Variants in CELF1 observed in about 807,000 individuals in gnomAD.
The protein encoded by CELF1 is 50 kDa nuclear polyadenylated RNA-binding protein.
In CELF1, 10 loss-of-function variants were observed where a neutral mutation model predicts 61.8. The ratio of observed to expected loss-of-function variants is 0.16; its 90% CI spans 0.10 to 0.27. CELF1 has a LOEUF of 0.27. CELF1 is among the 10% of genes least tolerant of loss of function. The pLI is 1.00. For synonymous variants in CELF1, 236 were observed against 225.1 expected, an observed-to-expected ratio of 1.05 and a Z score of -0.43; for missense variants, 380 against 639.1, an observed-to-expected ratio of 0.59 and a Z score of 4.37.
At chr11:47,506,303 G>A (rs2094490017) in intron 1 of CELF1, among the ~76,000 whole-genome samples, 1 of 150,620 alleles carries the variant, frequency 6.6e-6, no homozygotes, top group African/African-American at 2.4e-5. Context: ...GCACAGGCCT[G>A]TTAATCCCAG....
intron 1 of CELF1, among the ~76,000 whole-genome samples, chr11:47,501,200 T>C (rs1449448778): frequency 1.3e-5 from 2 of 152,200 alleles, no homozygotes; most frequent in Non-Finnish European, 2.9e-5. Flanking sequence ...TTTACTACTA[T>C]AGAGGCAGAA....
intron 13 of CELF1, among the ~76,000 whole-genome samples, chr11:47,474,066 C>T (rs113434262): frequency 2.6e-5 from 4 of 152,230 alleles, no homozygotes; most frequent in African/African-American, 9.6e-5. Flanking sequence ...GCCACCATGC[C>T]TGGCGTATTT....
At chr11:47,498,985 T>C (rs2093561287) in intron 3 of CELF1, among the ~76,000 whole-genome samples, 2 of 152,188 alleles carry the variant, frequency 1.3e-5, no homozygotes, top group South Asian at 4.1e-4. Flanking sequence ...TAATACAGAA[T>C]GTTGTAGATG....
intron 1 of CELF1, among the ~76,000 whole-genome samples, chr11:47,518,657 T>G (rs917389474): frequency 6.6e-6 from 1 of 152,214 alleles, no homozygotes; most frequent in Non-Finnish European, 1.5e-5. Context: ...GCAAGCTTTA[T>G]CATTCCAACT....
intron 1 of CELF1, among the ~76,000 whole-genome samples, chr11:47,539,797 G>A (rs1475221135): frequency 6.6e-6 from 1 of 152,172 alleles, no homozygotes; most frequent in African/African-American, 2.4e-5. Context: ...TCTCTCCAGA[G>A]CTGCATTTCT....
chr11:47,474,926 A>G (rs761639036), intron 13 of CELF1, among the ~76,000 whole-genome samples: 1 of 152,218 alleles, frequency 6.6e-6, no homozygotes, highest in Non-Finnish European at 1.5e-5. Context: ...ACAAACATCA[A>G]TCAGAAAGTG....
chr11:47,548,664 G>A lies in CELF1; in HGVS notation c.-154+4328C>T, dbSNP rs371275399. Among the ~76,000 whole-genome samples the A allele has an allele frequency of 6.6e-4, 100 of 151,596 alleles. 3 individuals are homozygous for A. The highest frequency in any genetic ancestry group is 2.2e-3 in the African/African-American group (91 of 41,316). ...GCGGATCACCTGAGGTTGGGAGTTC[G>A]AGACCAGCCTGGCCAACATGGTGAA... On this transcript the variant is annotated intron_variant, in intron 1 of 14. Coordinates refer to ENST00000687097, the MANE Select transcript of CELF1 (RefSeq NM_001376376.1).
intron 1 of CELF1, among the ~76,000 whole-genome samples, chr11:47,518,151 T>G (rs558247451): frequency 7.2e-5 from 11 of 152,238 alleles, no homozygotes; most frequent in Admixed American, 6.5e-4. Context: ...TTTGTATTTT[T>G]TTCCTGCTTT....
rs2085510586 is a variant in CELF1 at position 47,484,663 on chromosome 11, T to C, written c.392-140A>G. The C allele has an allele frequency of 8.8e-6, 6 of 680,694 alleles. No individual in the cohort carries two copies. The South Asian group carries it at 1.2e-4, about 13-fold the overall frequency. The allele number at this position is 680,694 out of a possible 1,614,324, so 42.2% of individuals were successfully genotyped here. A position where few individuals can be genotyped will look rare whatever the true frequency, so the allele number is the denominator to read the frequency against. ...GATTCAAAGACACACATTTGTTTTT[T>C]GTATTTTTCACATCTCTTTTTTTCT... On this transcript the variant is annotated intron_variant, in intron 6 of 14. Transcript: ENST00000687097.
chr11:47,511,633 C>T (rs1477621610), intron 1 of CELF1, among the ~76,000 whole-genome samples: 1 of 152,126 alleles, frequency 6.6e-6, no homozygotes, highest in African/African-American at 2.4e-5. Context: ...TGAGCATTTA[C>T]CATACACTAT....
At chr11:47,558,015 C>T (rs917550987), upstream of CELF1, among the ~76,000 whole-genome samples, 17 of 151,946 alleles carry the variant, frequency 1.1e-4, no homozygotes, top group African/African-American at 3.9e-4. Flanking sequence ...GCCAGCATGC[C>T]CAACTAATTT....
intron 1 of CELF1, among the ~76,000 whole-genome samples, chr11:47,520,255 T>C (rs954308160): frequency 6.6e-6 from 1 of 152,220 alleles, no homozygotes; most frequent in Non-Finnish European, 1.5e-5. Context: ...GAGCTGATTC[T>C]TATTTCCCTG....
At chr11:47,481,104 T>C in intron 9 of CELF1, among the ~76,000 whole-genome samples, 1 of 101,764 alleles carries the variant, frequency 9.8e-6, no homozygotes, top group Non-Finnish European at 1.9e-5. Flanking sequence ...TTCTTCTTCT[T>C]TTTTTTTTTT....
chr11:47,474,364 G>A (rs934512381), intron 13 of CELF1, among the ~76,000 whole-genome samples: 1 of 152,054 alleles, frequency 6.6e-6, no homozygotes, highest in Non-Finnish European at 1.5e-5. Flanking sequence ...TCTAGATTCA[G>A]GCATGACTTG....
At chr11:47,513,172 C>A (rs1000098771) in intron 1 of CELF1, among the ~76,000 whole-genome samples, 1 of 152,186 alleles carries the variant, frequency 6.6e-6, no homozygotes, top group Non-Finnish European at 1.5e-5. Context: ...ACATCACATA[C>A]AATTCACCTC....
rs2079930861 is a variant in CELF1 at position 47,476,024 on chromosome 11, G to A, written c.1088-503C>T. On this transcript the variant is annotated intron_variant, in intron 12 of 14. Coordinates refer to ENST00000687097, the MANE Select transcript of CELF1 (RefSeq NM_001376376.1). The stretch of plus-strand genomic sequence containing the variant: ...ATTTTTTTTTTTTTTTTTGGAGACA[G>A]AGTCTCACTCTGTCACCTAGGTTGG... Among the ~76,000 whole-genome samples, 4 of 147,630 alleles carry A rather than the reference G, an allele frequency of 2.7e-5. No individual in the cohort carries two copies. In the South Asian group the frequency reaches 8.5e-4, roughly 32 times the overall value.
At chr11:47,515,847 A>T (rs1360507388) in intron 1 of CELF1, among the ~76,000 whole-genome samples, 1 of 152,230 alleles carries the variant, frequency 6.6e-6, no homozygotes, top group African/African-American at 2.4e-5. Context: ...TGTATTTGGT[A>T]AAATAAGGCA....
rs1555194416 is a variant in CELF1, at chr11:47,558,576, T to TATATATATTTATATATAATATATAA, written c.-11+5774_-11+5775insTTATATATTATATATAAATATATAT. On this transcript the variant is annotated intron_variant, in intron 2 of 3. Transcript: ENST00000525841. Reference sequence around the variant, plus strand: ...TATATATTTATATATAATATATAAATATATATATATATTTATATTATATAT... The same window carrying TATATATATTTATATATAATATATAA: ...TATATATTTATATATAATATATAAATATATATATTTATATATAATATATAAATATATATATATTTATATTATATAT... 2.6e-3 allele frequency among the ~76,000 whole-genome samples: 277 copies of TATATATATTTATATATAATATATAA among 106,348 alleles called. 4 individuals are homozygous for TATATATATTTATATATAATATATAA. Among genetic ancestry groups the TATATATATTTATATATAATATATAA allele is most frequent in the African/African-American group, 0.011 (270 of 23,916 alleles). The allele number at this position is 106,348 out of a possible 152,430, so 69.8% of individuals were successfully genotyped here.
chr11:47,537,621 G>A (rs942971887), intron 1 of CELF1, among the ~76,000 whole-genome samples: 7 of 152,090 alleles, frequency 4.6e-5, no homozygotes, highest in Non-Finnish European at 1.0e-4. Context: ...ACTCCTTGGA[G>A]CTTTTAAAGT....
Sources: allele counts gnomAD v4.1 joint callset (sites outside exome capture counted in the v4.1 genomes callset), GRCh38; gene constraint gnomAD v4.1.1; transcripts MANE v1.5; gene names NCBI Gene and HGNC (gene_info 2026-07-23, HGNC 2026-07-21).